NRXN1: variants seen among roughly 807,000 people sequenced by gnomAD.
NRXN1 encodes the protein neurexin-1.
In NRXN1, 39 loss-of-function variants were observed where a neutral mutation model predicts 150.9. That is an observed-to-expected ratio of 0.26 (90% CI 0.20 to 0.34). The LOEUF is 0.34. Ranked by LOEUF, NRXN1 falls within the 10% of genes least tolerant of loss-of-function variation. The pLI is 1.00. For missense variants in NRXN1, 1,815 were observed against 1,949.9 expected (o/e 0.93, Z 1.30); for synonymous variants, 924 against 757.0 (o/e 1.22, Z -3.62).
intron 5 of NRXN1, among the ~76,000 whole-genome samples, chr2:50,883,655 T>C (rs1679793279): frequency 6.6e-6 from 1 of 151,832 alleles, no homozygotes; most frequent in African/African-American, 2.4e-5. Flanking sequence ...TAAAGTATAT[T>C]ATGTGTAAAA....
At chr2:50,319,942 A>G (rs2075892082) in intron 17 of NRXN1, among the ~76,000 whole-genome samples, 1 of 151,978 alleles carries the variant, frequency 6.6e-6, no homozygotes, top group Non-Finnish European at 1.5e-5. Flanking sequence ...GGACATGCTC[A>G]CTTTGGCAAG....
chr2:50,363,243 G>C (rs1314417682), intron 17 of NRXN1, among the ~76,000 whole-genome samples: 3 of 152,144 alleles, frequency 2.0e-5, no homozygotes, highest in African/African-American at 7.2e-5. Flanking sequence ...TGACAAATGG[G>C]TTCTGATTAA....
intron 21 of NRXN1, among the ~76,000 whole-genome samples, 191 bp from the exon 22 acceptor site, chr2:49,943,982 C>T (rs1672455206): frequency 6.6e-6 from 1 of 152,202 alleles, no homozygotes; most frequent in Non-Finnish European, 1.5e-5. Context: ...AACTTGATTA[C>T]ACTTTAGTTT....
At chr2:50,799,825 G>C (rs1309985531) in intron 5 of NRXN1, among the ~76,000 whole-genome samples, 1 of 152,024 alleles carries the variant, frequency 6.6e-6, no homozygotes, top group East Asian at 1.9e-4. Context: ...ATCTGTATTT[G>C]TTTAGAAAAT....
intron 21 of NRXN1, among the ~76,000 whole-genome samples, chr2:50,005,024 T>G (rs1438396542): frequency 2.6e-5 from 4 of 152,158 alleles, no homozygotes; most frequent in Non-Finnish European, 5.9e-5. Context: ...CCTGTTGCCC[T>G]GCAGCCAGGT....
chr2:50,159,939 T>C (rs62135863), intron 18 of NRXN1, among the ~76,000 whole-genome samples: 17,201 of 152,158 alleles, frequency 0.11, 1,125 homozygotes, highest in East Asian at 0.18. Context: ...AAAACTGTCC[T>C]CTTTATTTTA....
intron 20 of NRXN1, among the ~76,000 whole-genome samples, chr2:50,053,935 G>C (rs1454118376): frequency 6.6e-6 from 1 of 152,066 alleles, no homozygotes; most frequent in Non-Finnish European, 1.5e-5. Context: ...AAAAATGTAA[G>C]ACAACATTTC....
At chr2:50,624,837 C>T (rs370495864) in intron 5 of NRXN1, 3 of 151,816 alleles carry the variant, frequency 2.0e-5, no homozygotes, top group Admixed American at 1.3e-4. Context: ...GCGGCTCTCA[C>T]GAGATGCTAG....
rs573190459 is a variant in NRXN1, at chr2:50,157,019, C to G, written c.3547-65525G>C. ...CTTTGTATGTATTATCTTAGTTAAA[C>G]CATTTAACCATCTTCTTAAGTAGGT... On this transcript the variant is annotated intron_variant, in intron 18 of 22. Transcript: ENST00000401669. Among the ~76,000 whole-genome samples, 3 of 152,070 alleles carry G rather than the reference C, an allele frequency of 2.0e-5. No individual in the cohort carries two copies. In the East Asian group the frequency reaches 5.8e-4, roughly 29 times the overall value.
At chr2:50,847,628 A>T (rs570935949) in intron 5 of NRXN1, among the ~76,000 whole-genome samples, 1 of 152,318 alleles carries the variant, frequency 6.6e-6, no homozygotes, top group Admixed American at 6.5e-5. Flanking sequence ...AGACCCTAGC[A>T]GGCCAACACA....
At chr2:50,806,994 T>C (rs914168510) in intron 5 of NRXN1, among the ~76,000 whole-genome samples, 1 of 152,130 alleles carries the variant, frequency 6.6e-6, no homozygotes, top group African/African-American at 2.4e-5. Flanking sequence ...TTGTGATTAA[T>C]TTATTTTGCT....
intron 17 of NRXN1, among the ~76,000 whole-genome samples, chr2:50,313,538 C>T (rs1255016701): frequency 2.0e-5 from 3 of 152,052 alleles, no homozygotes; most frequent in African/African-American, 7.2e-5. Flanking sequence ...AAGCATTAGA[C>T]CCCGTAGACA....
intron 17 of NRXN1, among the ~76,000 whole-genome samples, chr2:50,280,133 C>T (rs1360814607): frequency 6.6e-6 from 1 of 151,834 alleles, no homozygotes; most frequent in Non-Finnish European, 1.5e-5. Context: ...AAAAAAGTAG[C>T]AGGGCGTGGT....
intron 18 of NRXN1, among the ~76,000 whole-genome samples, chr2:50,155,362 G>T (rs975387971): frequency 6.0e-5 from 9 of 150,822 alleles, no homozygotes; most frequent in Non-Finnish European, 8.9e-5. Context: ...TTTGCTTGGG[G>T]CCCTCAGGCA....
intron 18 of NRXN1, among the ~76,000 whole-genome samples, chr2:50,189,429 G>A (rs1037919547): frequency 1.3e-5 from 2 of 152,082 alleles, no homozygotes; most frequent in African/African-American, 4.8e-5. Context: ...ACAGGTTAAT[G>A]GGTGCAGCAA....
intron 17 of NRXN1, among the ~76,000 whole-genome samples, chr2:50,249,888 T>C (rs2066880368): frequency 6.6e-6 from 1 of 152,178 alleles, no homozygotes; most frequent in Non-Finnish European, 1.5e-5. Context: ...TCCGCCCGTC[T>C]TGGCCACCCA....
rs1007431615 is a variant in NRXN1, at chr2:49,918,592, A to G, written c.*3352T>C. On this transcript the variant is annotated 3_prime_UTR_variant, in exon 23 of 23. Coordinates refer to ENST00000401669, the MANE Select transcript of NRXN1 (RefSeq NM_001330078.2). ...GAAAAAGCATATTTATGAAATTAGT[A>G]TTTTAATATTGTTTGCAACTAATAC... 3.3e-4 allele frequency: 50 copies of G among 152,234 alleles called. No individual in the cohort carries two copies. The highest frequency in any genetic ancestry group is 1.2e-3 in the African/African-American group (48 of 41,562). The allele number at this position is 152,234 out of a possible 1,614,324, so 9.4% of individuals were successfully genotyped here.
intron 5 of NRXN1, among the ~76,000 whole-genome samples, chr2:50,829,260 GGGGAGAGGGAGAGGGAGA>G (rs370389449): frequency 7.9e-4 from 119 of 150,608 alleles, no homozygotes; most frequent in Non-Finnish European, 1.5e-3. Context: ...GGGAGACCGT[GGGGAGAGGGAGAGGGAGA>G]GGGAGAGGGA....
intron 21 of NRXN1, among the ~76,000 whole-genome samples, chr2:50,005,549 C>T (rs1179230520): frequency 1.3e-5 from 2 of 152,110 alleles, no homozygotes; most frequent in African/African-American, 4.8e-5. Flanking sequence ...GTATCATCTA[C>T]TTTTTACCAG....
Sources: allele counts gnomAD v4.1 joint callset (sites outside exome capture counted in the v4.1 genomes callset), GRCh38; gene constraint gnomAD v4.1.1; transcripts MANE v1.5; gene names NCBI Gene and HGNC (gene_info 2026-07-23, HGNC 2026-07-21).